The following PIK3C2G variants were observed in gnomAD, a reference collection of about 807,000 sequenced individuals.
The protein encoded by PIK3C2G is phosphatidylinositol-4-phosphate 3-kinase catalytic subunit type 2 gamma.
A neutral mutation model predicts 181.1 loss-of-function variants in PIK3C2G; 168 were observed. The ratio of observed to expected loss-of-function variants is 0.93; its 90% CI spans 0.82 to 1.05. The LOEUF is 1.05. PIK3C2G is among the 50% of genes least tolerant of loss of function. The pLI is 0.00. For synonymous variants in PIK3C2G, 573 were observed against 592.2 expected, an observed-to-expected ratio of 0.97 and a Z score of 0.47; for missense variants, 1,869 against 1,732.8, an observed-to-expected ratio of 1.08 and a Z score of -1.40.
Position 18,499,883 on chromosome 12 carries a change from G to A in PIK3C2G, c.3016+2135G>A, listed in dbSNP as rs548163444. 5.3e-5 allele frequency among the ~76,000 whole-genome samples: 8 copies of A among 152,302 alleles called. No individual in the cohort carries two copies. The East Asian group carries it at 5.8e-4, about 11-fold the overall frequency. ...TGTTAGAAATGCAGAATCTCAGGCC[G>A]CACGCCTGCCATACTCAATTAGAAC... On this transcript the variant is annotated intron_variant, in intron 22 of 32. Coordinates refer to ENST00000538779, the MANE Select transcript of PIK3C2G (RefSeq NM_001288772.2).
chr12:18,637,858 C>T (rs1949672728), intron 31 of PIK3C2G, among the ~76,000 whole-genome samples: 1 of 152,200 alleles, frequency 6.6e-6, no homozygotes, highest in Non-Finnish European at 1.5e-5. Flanking sequence ...AAGGCAGGTC[C>T]AGCCTGTCCA....
intron 15 of PIK3C2G, among the ~76,000 whole-genome samples, chr12:18,396,910 A>G (rs1473358150): frequency 6.6e-6 from 1 of 151,870 alleles, no homozygotes; most frequent in Non-Finnish European, 1.5e-5. Context: ...TTTTGTAGAA[A>G]TTAAAAAGCT....
At chr12:18,713,127 G>A in the PIK3C2G span, 10 of 1,155,596 alleles carry the variant, frequency 8.7e-6, no homozygotes, top group Admixed American at 2.2e-4. Flanking sequence ...ACTTGTCTTT[G>A]GGACAAGTTT....
the PIK3C2G span, among the ~76,000 whole-genome samples, chr12:18,670,745 T>C: frequency 6.6e-6 from 1 of 152,186 alleles, no homozygotes; most frequent in African/African-American, 2.4e-5. Flanking sequence ...TACTTTATCA[T>C]CCTGAACTAT....
chr12:18,522,993 G>GT (rs879316235), intron 24 of PIK3C2G, among the ~76,000 whole-genome samples: 1 of 151,640 alleles, frequency 6.6e-6, no homozygotes, highest in Non-Finnish European at 1.5e-5. Context: ...TGTGCTCACT[G>GT]TTTTTTTCTT....
At chr12:18,610,635 T>C (rs987947158) in intron 31 of PIK3C2G, among the ~76,000 whole-genome samples, 1 of 152,106 alleles carries the variant, frequency 6.6e-6, no homozygotes, top group Non-Finnish European at 1.5e-5. Flanking sequence ...AAAACAATTA[T>C]TTTCCATTGT....
intron 18 of PIK3C2G, among the ~76,000 whole-genome samples, chr12:18,434,458 A>G (rs928671917): frequency 3.9e-5 from 6 of 151,904 alleles, no homozygotes; most frequent in Admixed American, 2.6e-4. Context: ...ATAGAAAGAG[A>G]ATCATAGCAT....
At chr12:18,404,695 G>T (rs1374813365) in intron 16 of PIK3C2G, among the ~76,000 whole-genome samples, 1 of 152,096 alleles carries the variant, frequency 6.6e-6, no homozygotes, top group African/African-American at 2.4e-5. Flanking sequence ...GAAGAGAATT[G>T]TATCAGGAAA....
At chr12:18,482,799 A>G (rs1469951292) in intron 18 of PIK3C2G, among the ~76,000 whole-genome samples, 1 of 152,196 alleles carries the variant, frequency 6.6e-6, no homozygotes, top group African/African-American at 2.4e-5. Flanking sequence ...TTGAAAGGAT[A>G]AGTGGACATC....
chr12:18,344,508 C>T (rs1939468702), intron 10 of PIK3C2G, among the ~76,000 whole-genome samples: 1 of 152,090 alleles, frequency 6.6e-6, no homozygotes, highest in Admixed American at 6.6e-5. Context: ...GTATTGCTAA[C>T]AGAATCTAAG....
chr12:18,499,758 A>G (rs1164571728), intron 22 of PIK3C2G, among the ~76,000 whole-genome samples: 1 of 152,196 alleles, frequency 6.6e-6, no homozygotes, highest in East Asian at 1.9e-4. Context: ...TCTGAAAGAC[A>G]CCGCCTCATA....
intron 18 of PIK3C2G, among the ~76,000 whole-genome samples, chr12:18,455,253 G>C (rs1947561733): frequency 6.6e-6 from 1 of 151,992 alleles, no homozygotes; most frequent in African/African-American, 2.4e-5. Context: ...ACTTAGGCAA[G>C]AGTTTTACAC....
chr12:18,441,841 T>A (rs10770360), intron 18 of PIK3C2G, among the ~76,000 whole-genome samples: 38,849 of 151,826 alleles, frequency 0.26, 5,430 homozygotes, highest in Admixed American at 0.36. Flanking sequence ...CATCCTGGAG[T>A]CTCAAGTGTC....
chr12:18,564,909 A>G lies in PIK3C2G; in HGVS notation c.3902+1411A>G, dbSNP rs556925286. On this transcript the variant is annotated intron_variant, in intron 28 of 32. Transcript: ENST00000538779. The stretch of plus-strand genomic sequence containing the variant: ...GTTCTACACTGTACCTCACCAATAC[A>G]TATCAGTATAACTTGTAAAACTTTA... 8.5e-5 allele frequency among the ~76,000 whole-genome samples: 13 copies of G among 152,288 alleles called. No homozygotes were observed. In the South Asian group the frequency reaches 1.9e-3, roughly 22 times the overall value.
At chr12:18,609,750 G>A (rs1489935149) in intron 31 of PIK3C2G, 121 bp downstream of exon 31, 13 of 615,532 alleles carry the variant, frequency 2.1e-5, no homozygotes, top group South Asian at 4.0e-5. Context: ...GTTTAAGTAA[G>A]AAACAATGAG....
chr12:18,377,492 G>A (rs1436710939), intron 13 of PIK3C2G, among the ~76,000 whole-genome samples: 1 of 152,088 alleles, frequency 6.6e-6, no homozygotes, highest in Non-Finnish European at 1.5e-5. Context: ...CAAACCCATA[G>A]CCCAGCCTAA....
chr12:18,569,532 A>G (rs984781300), intron 29 of PIK3C2G, among the ~76,000 whole-genome samples: 2 of 152,222 alleles, frequency 1.3e-5, no homozygotes, highest in Admixed American at 1.3e-4. Context: ...ATACTTCTCT[A>G]CATAGACTTT....
chr12:18,713,087 G>A, the PIK3C2G span: 1 of 1,424,684 alleles, frequency 7.0e-7, no homozygotes, highest in Non-Finnish European at 9.7e-7. Flanking sequence ...TATAATAAAT[G>A]CATAAATGAG....
chr12:18,401,563 T>C lies in PIK3C2G; in HGVS notation c.2315+1716T>C, dbSNP rs569444889. ...CTTGAGTTGATTAACTAATAGAGAA[T>C]TCATTCAAAATGTGACAGTCACAAC... On this transcript the variant is annotated intron_variant, in intron 16 of 32. Transcript: ENST00000538779. Among the ~76,000 whole-genome samples the C allele has an allele frequency of 2.0e-5, 3 of 152,260 alleles. No homozygotes were observed. In the South Asian group the frequency reaches 6.2e-4, roughly 32 times the overall value.
Sources: gnomAD v4.1 joint callset for allele counts (sites outside exome capture counted in the v4.1 genomes callset) on GRCh38, gnomAD v4.1.1 for gene constraint, MANE v1.5 for transcripts, NCBI Gene and HGNC (gene_info 2026-07-23, HGNC 2026-07-21) for gene names.